ATP6V0A2: variants seen among roughly 807,000 people sequenced by gnomAD.
ATP6V0A2 encodes ATPase H+ transporting V0 subunit a2.
In ATP6V0A2, 58 loss-of-function variants were observed where a neutral mutation model predicts 104.4. The observed-to-expected ratio is 0.56, with a 90% CI of 0.45 to 0.69. ATP6V0A2 has a LOEUF of 0.69. Ranked by LOEUF, ATP6V0A2 falls within the 30% of genes least tolerant of loss-of-function variation. ATP6V0A2 has a pLI of 0.00. For missense variants in ATP6V0A2, 938 were observed against 1,062.9 expected, an observed-to-expected ratio of 0.88 and a Z score of 1.63; for synonymous variants, 376 against 397.9, an observed-to-expected ratio of 0.95 and a Z score of 0.65.
intron 10 of ATP6V0A2, 49 bp downstream of exon 10, chr12:123,743,984 A>C (rs754139427): frequency 1.2e-6 from 2 of 1,609,528 alleles, no homozygotes; most frequent in Non-Finnish European, 1.7e-6. Context: ...GCATTGTTGC[A>C]TTCTTGCTCT....
chr12:123,724,317 A>G (rs1331870014), intron 3 of ATP6V0A2: 2 of 236,152 alleles, frequency 8.5e-6, no homozygotes, highest in Non-Finnish European at 1.7e-5. Context: ...TGAGGTCAAG[A>G]GTTCAAGACC....
At chr12:123,741,898 A>T (rs1956612964) in intron 9 of ATP6V0A2, among the ~76,000 whole-genome samples, 1 of 152,168 alleles carries the variant, frequency 6.6e-6, no homozygotes, top group Admixed American at 6.5e-5. Flanking sequence ...TCCTAACCTC[A>T]CTGATGGTTT....
chr12:123,752,206 A>AAGAAACTAT, intron 16 of ATP6V0A2, 77 bp from the exon 17 acceptor site: 2 of 1,588,414 alleles, frequency 1.3e-6, no homozygotes. Context: ...AAGAGAAACA[A>AAGAAACTAT]AGAAACTATA....
At chr12:123,741,853 G>A (rs1469486544) in intron 9 of ATP6V0A2, among the ~76,000 whole-genome samples, 2 of 152,118 alleles carry the variant, frequency 1.3e-5, no homozygotes, top group Non-Finnish European at 1.5e-5. Context: ...TGGTACTCAA[G>A]GAACTTTTAG....
In ATP6V0A2 at chr12:123,743,947, G is replaced by A; in HGVS notation, c.1189+12G>A. 1 of 1,614,146 alleles carries A rather than the reference G, an allele frequency of 6.2e-7. No individual in the cohort carries two copies. The highest frequency in any genetic ancestry group is 1.1e-5 in the South Asian group (1 of 91,080). Reference sequence around the variant, plus strand: ...AGAAGTCAATCCAGGTTGGAAGTCTGATTTGTAAATACCCGTATTTCCAAT... The same window carrying A: ...AGAAGTCAATCCAGGTTGGAAGTCTAATTTGTAAATACCCGTATTTCCAAT... On this transcript the variant is annotated intron_variant, in intron 10 of 19. Coordinates refer to ENST00000330342, the MANE Select transcript of ATP6V0A2 (RefSeq NM_012463.4).
intron 9 of ATP6V0A2, among the ~76,000 whole-genome samples, chr12:123,742,996 A>G (rs1956623862): frequency 6.6e-6 from 1 of 152,234 alleles, no homozygotes; most frequent in Admixed American, 6.5e-5. Context: ...CTGCCATAAT[A>G]GAATTCATGT....
chr12:123,747,914 C>T (rs979414429), intron 14 of ATP6V0A2, among the ~76,000 whole-genome samples, 189 bp downstream of exon 14: 15 of 151,996 alleles, frequency 9.9e-5, no homozygotes, highest in African/African-American at 3.4e-4. Context: ...ATGTATTTAT[C>T]GAGCGCATAG....
chr12:123,728,839 C>T (rs1956472664), intron 6 of ATP6V0A2, among the ~76,000 whole-genome samples: 1 of 149,912 alleles, frequency 6.7e-6, no homozygotes, highest in Admixed American at 6.7e-5. Context: ...CCTCTGATCA[C>T]TTGATTAGTT....
chr12:123,744,654 G>A lies in ATP6V0A2; in HGVS notation c.1384G>A (p.Val462Met), dbSNP rs766889884. 6.2e-7 allele frequency: 1 copy of A among 1,613,928 alleles called. No homozygotes were observed. Among genetic ancestry groups the A allele is most frequent in the East Asian group, 2.2e-5 (1 of 44,884 alleles). Residue 462 changes from valine (V) to methionine (M), a missense_variant, in exon 12 of 20, where the codon GTG becomes ATG. Coordinates refer to ENST00000330342, the MANE Select transcript of ATP6V0A2 (RefSeq NM_012463.4). This position sits in a 1 kb window ranked among gnomAD's most constrained non-coding sequence, Gnocchi z 5.4. ...YILLLMGLFS[V>M]YTGLIYNDCF... ...CCTCCTGCTGATGGGGCTGTTCTCA[G>A]TGTACACTGGCCTCATCTACAACGA...
At chr12:123,718,059 G>C (rs184708390) in intron 1 of ATP6V0A2, among the ~76,000 whole-genome samples, 2 of 151,128 alleles carry the variant, frequency 1.3e-5, no homozygotes, top group African/African-American at 4.9e-5. Flanking sequence ...CAAGTAGCTG[G>C]AATTACTTAG....
chr12:123,744,027 GACCATT>G lies in ATP6V0A2; in HGVS notation c.1189+95_1189+100del. On this transcript the variant is annotated intron_variant, in intron 10 of 19. Transcript: ENST00000330342. This position sits in a 1 kb window ranked among gnomAD's most constrained non-coding sequence, Gnocchi z 5.4. Reference sequence around the variant, plus strand: ...GAATAGATATTTGGAAAGAGAGGCTGACCATTACTTTTTTGCTATCTTATTTAAAAG... The same window carrying G: ...GAATAGATATTTGGAAAGAGAGGCTGACTTTTTTGCTATCTTATTTAAAAG... The G allele has an allele frequency of 6.4e-7, 1 of 1,570,402 alleles. No homozygotes were observed.
chr12:123,736,629 C>T (rs755547317), intron 8 of ATP6V0A2, among the ~76,000 whole-genome samples: 1 of 152,170 alleles, frequency 6.6e-6, no homozygotes, highest in Non-Finnish European at 1.5e-5. Context: ...GTCCTTCTGA[C>T]TCAGTTAAGC....
At chr12:123,745,084 G>T in intron 13 of ATP6V0A2, 112 bp downstream of exon 13, 1 of 1,095,392 alleles carries the variant, frequency 9.1e-7, no homozygotes. Flanking sequence ...CCCTGAGCGG[G>T]AGGTGCTCAT....
Position 123,743,864 on chromosome 12 carries a change from A to G in ATP6V0A2, c.1118A>G (p.Asn373Ser), listed in dbSNP as rs771839087. The change falls in exon 10 of 20, where the codon AAC becomes AGC. Residue 373 changes from asparagine (N) to serine (S), a missense_variant. By Grantham distance (46) the Asn-to-Ser change is conservative. Transcript: ENST00000330342. The part of the protein sequence containing the change: ...KETPPTRIRT[N>S]KFTEGFQNIV... The stretch of plus-strand genomic sequence containing the variant: ...ACACCCCCCACTCGGATCCGCACCA[A>G]CAAATTCACCGAGGGATTTCAGAAC... 2.6e-5 allele frequency: 42 copies of G among 1,614,088 alleles called. 1 individual carries two copies. In the Admixed American group the frequency reaches 5.7e-4, roughly 22 times the overall value.
chr12:123,736,285 A>T (rs566282432), intron 8 of ATP6V0A2, among the ~76,000 whole-genome samples: 11 of 139,170 alleles, frequency 7.9e-5, no homozygotes, highest in African/African-American at 3.0e-4. Flanking sequence ...TCTGCTTCCC[A>T]GGTTCAAGCA....
intron 19 of ATP6V0A2, among the ~76,000 whole-genome samples, chr12:123,757,309 C>T (rs760814706): frequency 2.0e-5 from 3 of 151,952 alleles, no homozygotes; most frequent in Admixed American, 6.6e-5. Context: ...GGTGTGGTGT[C>T]GTGCGCCTAT....
Position 123,754,548 on chromosome 12 carries a change from G to A in ATP6V0A2, c.2293+11G>A, listed in dbSNP as rs757433116. The A allele has an allele frequency of 2.5e-6, 4 of 1,592,050 alleles. No homozygotes were observed. Among genetic ancestry groups the A allele is most frequent in the Non-Finnish European group, 3.4e-6 (4 of 1,159,896 alleles). On this transcript the variant is annotated intron_variant, in intron 18 of 19. Transcript: ENST00000330342. ...GCCTGGCTCACGCACGTAAGTTCCT[G>A]CTTAGACCTGCAGTTCCCAATGCCC... is the stretch of plus-strand genomic sequence containing the variant.
chr12:123,754,875 G>A lies in ATP6V0A2; in HGVS notation c.2293+338G>A, dbSNP rs139483314. On this transcript the variant is annotated intron_variant, in intron 18 of 19. Transcript: ENST00000330342. Reference sequence around the variant, plus strand: ...AGCACTTGCTACTGTTGCCATTACTGTTTCTGTTAGTAGTTATTTCATTCA... The same window carrying A: ...AGCACTTGCTACTGTTGCCATTACTATTTCTGTTAGTAGTTATTTCATTCA... 2,004 of 336,700 alleles carry A rather than the reference G, an allele frequency of 6.0e-3. 8 individuals carry two copies. Among genetic ancestry groups the A allele is most frequent in the Non-Finnish European group, 9.3e-3 (1,671 of 179,088 alleles). 20.9% of individuals were successfully genotyped at this position (336,700 alleles called of 1,614,324 possible). A position where few individuals can be genotyped will look rare whatever the true frequency, so the allele number is the denominator to read the frequency against.
chr12:123,735,954 C>A (rs1454609063), intron 8 of ATP6V0A2, among the ~76,000 whole-genome samples: 1 of 151,962 alleles, frequency 6.6e-6, no homozygotes, highest in African/African-American at 2.4e-5. Context: ...CTCACTGCAA[C>A]CTCTGCCTCC....
Sources: allele counts gnomAD v4.1 joint callset (sites outside exome capture counted in the v4.1 genomes callset), GRCh38; gene constraint gnomAD v4.1.1; non-coding constraint Gnocchi (gnomAD v3.1); transcripts MANE v1.5; gene names NCBI Gene and HGNC (gene_info 2026-07-23, HGNC 2026-07-21).